ATE1: variants seen among roughly 807,000 people sequenced by gnomAD.
ATE1 encodes the protein arginyltransferase 1.
A neutral mutation model predicts 70.5 loss-of-function variants in ATE1; 36 were observed. The observed-to-expected ratio is 0.51, with a 90% CI of 0.39 to 0.67. The LOEUF is 0.67. ATE1 is among the 30% of genes least tolerant of loss of function. ATE1 has a pLI of 0.00. For missense variants in ATE1, 593 were observed against 629.5 expected (o/e 0.94, Z 0.62); for synonymous variants, 232 against 219.3 (o/e 1.06, Z -0.51).
chr10:121,833,602 A>G (rs927681194), intron 10 of ATE1, among the ~76,000 whole-genome samples: 1 of 146,620 alleles, frequency 6.8e-6, no homozygotes, highest in Admixed American at 6.8e-5. Flanking sequence ...AAATGATAAG[A>G]TGGGGAATTT....
intron 7 of ATE1, among the ~76,000 whole-genome samples, chr10:121,873,871 A>T (rs1453606533): frequency 6.6e-6 from 1 of 152,164 alleles, no homozygotes; most frequent in Non-Finnish European, 1.5e-5. Context: ...GGCATTTTTT[A>T]CAAAGATAAA....
chr10:121,906,150 T>C (rs973065966), intron 5 of ATE1, among the ~76,000 whole-genome samples: 4 of 152,136 alleles, frequency 2.6e-5, no homozygotes, highest in Admixed American at 2.0e-4. Context: ...TCCCAGCACT[T>C]TGGGAGGCCA....
intron 7 of ATE1, among the ~76,000 whole-genome samples, chr10:121,889,987 C>T (rs1290618411): frequency 1.3e-5 from 2 of 152,128 alleles, no homozygotes; most frequent in African/African-American, 4.8e-5. Context: ...TCATAACATG[C>T]ACAACTTTCA....
At chr10:121,791,937 T>C (rs764611732) in intron 10 of ATE1, among the ~76,000 whole-genome samples, 36 of 152,220 alleles carry the variant, frequency 2.4e-4, no homozygotes, top group Non-Finnish European at 4.8e-4. Flanking sequence ...AAAGGCTCTA[T>C]ACCAGGTGCT....
chr10:121,765,326 CTCTCA>C (rs1945233093), intron 11 of ATE1, among the ~76,000 whole-genome samples: 1 of 6,778 alleles, frequency 1.5e-4, no homozygotes, highest in Non-Finnish European at 7.8e-4. Flanking sequence ...CTCTGCCAGA[CTCTCA>C]GACTCTCAAA....
chr10:121,800,383 G>A (rs915354165), intron 10 of ATE1, among the ~76,000 whole-genome samples: 4 of 152,032 alleles, frequency 2.6e-5, no homozygotes, highest in African/African-American at 9.7e-5. Context: ...ACCAATTCAC[G>A]CCCTGCCATT....
At chr10:121,796,031 T>C (rs1370708229) in intron 10 of ATE1, among the ~76,000 whole-genome samples, 1 of 152,174 alleles carries the variant, frequency 6.6e-6, no homozygotes, top group Non-Finnish European at 1.5e-5. Context: ...TAAGAAGAAA[T>C]GAGTTACCAC....
At chr10:121,854,920 CG>C (rs1324464965) in intron 8 of ATE1, among the ~76,000 whole-genome samples, 2 of 152,094 alleles carry the variant, frequency 1.3e-5, no homozygotes, top group Non-Finnish European at 2.9e-5. Context: ...GTGGGTTCCA[CG>C]GGAACTTGCA....
At chr10:121,824,300 C>T (rs533606140) in intron 10 of ATE1, among the ~76,000 whole-genome samples, 10 of 152,294 alleles carry the variant, frequency 6.6e-5, no homozygotes, top group Admixed American at 3.9e-4. Context: ...CCAGTAGTAG[C>T]AAAGTCACCT....
At chr10:121,888,492 C>CA (rs1320390980) in intron 7 of ATE1, among the ~76,000 whole-genome samples, 6 of 152,110 alleles carry the variant, frequency 3.9e-5, no homozygotes, top group African/African-American at 7.2e-5. Context: ...GTCCCCATCA[C>CA]AAATGAAGGA....
intron 10 of ATE1, among the ~76,000 whole-genome samples, chr10:121,800,992 A>G (rs1175025481): frequency 1.3e-5 from 2 of 152,152 alleles, no homozygotes; most frequent in African/African-American, 2.4e-5. Flanking sequence ...TCAGTCCCCA[A>G]GAGAGTGCTT....
chr10:121,758,574 C>T (rs1944902539), intron 11 of ATE1, among the ~76,000 whole-genome samples: 1 of 152,184 alleles, frequency 6.6e-6, no homozygotes, highest in Non-Finnish European at 1.5e-5. Flanking sequence ...ACAGCCTCTA[C>T]CGGAGGAAAT....
chr10:121,898,829 A>G, intron 7 of ATE1: 1 of 1,612,784 alleles, frequency 6.2e-7, no homozygotes, highest in Non-Finnish European at 8.5e-7. Context: ...AGAAAACAAC[A>G]GTTAACAATA....
At chr10:121,928,047 G>A, upstream of ATE1, 3 of 1,226,904 alleles carry the variant, frequency 2.4e-6, no homozygotes, top group Non-Finnish European at 3.1e-6. Context: ...GGAGCCTCCC[G>A]AGGCTCGCGC....
intron 11 of ATE1, among the ~76,000 whole-genome samples, chr10:121,745,590 G>A (rs998454973): frequency 1.3e-5 from 2 of 152,308 alleles, no homozygotes; most frequent in East Asian, 1.9e-4. Context: ...AGCCAGGCGT[G>A]GTGGCGGGCG....
chr10:121,874,936 C>A (rs1021602767), intron 7 of ATE1, among the ~76,000 whole-genome samples: 5 of 150,436 alleles, frequency 3.3e-5, no homozygotes, highest in African/African-American at 1.2e-4. Flanking sequence ...GTCAGGAGAT[C>A]GAGACCATCC....
intron 10 of ATE1, among the ~76,000 whole-genome samples, chr10:121,794,117 G>A (rs1382856224): frequency 6.6e-6 from 1 of 152,122 alleles, no homozygotes; most frequent in Non-Finnish European, 1.5e-5. Context: ...CATATATAGG[G>A]AAATCTCTTT....
chr10:121,899,057 A>C, intron 7 of ATE1: 1 of 1,456,060 alleles, frequency 6.9e-7, no homozygotes, highest in East Asian at 2.4e-5. Flanking sequence ...AGATCTCCAC[A>C]AATCCACGCC....
intron 11 of ATE1, among the ~76,000 whole-genome samples, chr10:121,772,808 G>C (rs1341973162): frequency 2.0e-5 from 3 of 152,108 alleles, no homozygotes; most frequent in Non-Finnish European, 4.4e-5. Context: ...TTGCTTTGCC[G>C]CTATTTAAAA....
Sources: allele counts gnomAD v4.1 joint callset (sites outside exome capture counted in the v4.1 genomes callset), GRCh38; gene constraint gnomAD v4.1.1; transcripts MANE v1.5; gene names NCBI Gene and HGNC (gene_info 2026-07-23, HGNC 2026-07-21).